ZNF438: variants seen among roughly 807,000 people sequenced by gnomAD.
The protein encoded by ZNF438 is zinc finger protein 438.
A neutral mutation model predicts 38.0 loss-of-function variants in ZNF438; 25 were observed. The ratio of observed to expected loss-of-function variants is 0.66; its 90% CI spans 0.48 to 0.92. The LOEUF is 0.92. Among genes scored for constraint, ZNF438 ranks in the 40% least tolerant of loss-of-function variants. The pLI, the probability that ZNF438 is intolerant of heterozygous loss-of-function variation, is 0.00. For missense variants in ZNF438, 1,007 were observed against 999.6 expected (o/e 1.01, Z -0.10); for synonymous variants, 372 against 364.1 (o/e 1.02, Z -0.25).
chr10:30,971,921 TG>T (rs1187760035), intron 1 of ZNF438, among the ~76,000 whole-genome samples: 1 of 152,152 alleles, frequency 6.6e-6, no homozygotes, highest in African/African-American at 2.4e-5. Flanking sequence ...CCTTAAATTT[TG>T]TATGTGTTTA....
intron 1 of ZNF438, among the ~76,000 whole-genome samples, chr10:30,948,340 C>G (rs1443458839): frequency 6.6e-6 from 1 of 152,124 alleles, no homozygotes; most frequent in Non-Finnish European, 1.5e-5. Context: ...AAAAGCAGAG[C>G]ACCTCTCCTC....
intron 1 of ZNF438, among the ~76,000 whole-genome samples, chr10:31,002,179 G>A (rs140707620): frequency 1.7e-4 from 26 of 152,254 alleles, no homozygotes; most frequent in African/African-American, 4.1e-4. Flanking sequence ...CAGTATTTTC[G>A]AAAGAATAGA....
At chr10:30,922,572 GC>G (rs2134998481) in intron 2 of ZNF438, among the ~76,000 whole-genome samples, 1 of 152,294 alleles carries the variant, frequency 6.6e-6, no homozygotes, top group Non-Finnish European at 1.5e-5. Context: ...GGTGGCTCAC[GC>G]CTGTAATCCC....
chr10:31,024,561 G>A (rs925066858), intron 1 of ZNF438, among the ~76,000 whole-genome samples: 2 of 152,098 alleles, frequency 1.3e-5, no homozygotes, highest in African/African-American at 4.8e-5. Context: ...CCGGGAGGCG[G>A]AGCTTGCAGT....
intron 1 of ZNF438, among the ~76,000 whole-genome samples, chr10:30,991,556 C>G (rs907186384): frequency 6.6e-6 from 1 of 152,186 alleles, no homozygotes; most frequent in Admixed American, 6.5e-5. Context: ...ATTCCTGCCC[C>G]CAGTTTCTGT....
chr10:30,929,191 G>T (rs931249042), intron 2 of ZNF438, among the ~76,000 whole-genome samples: 1 of 152,226 alleles, frequency 6.6e-6, no homozygotes, highest in African/African-American at 2.4e-5. Flanking sequence ...GGCAAATCAA[G>T]ACTGTGTCTG....
intron 3 of ZNF438, among the ~76,000 whole-genome samples, chr10:30,878,245 C>T (rs2038728857): frequency 6.6e-6 from 1 of 152,150 alleles, no homozygotes; most frequent in Non-Finnish European, 1.5e-5. Context: ...TCCAAAACTA[C>T]CCATGGCTTG....
At chr10:30,875,126 G>A (rs1471090083) in intron 4 of ZNF438, among the ~76,000 whole-genome samples, 4 of 152,132 alleles carry the variant, frequency 2.6e-5, no homozygotes, top group African/African-American at 7.2e-5. Context: ...GGGTAAGGAG[G>A]TTTACTTGAG....
At chr10:30,906,879 A>C (rs1399383548) in intron 3 of ZNF438, among the ~76,000 whole-genome samples, 4 of 152,206 alleles carry the variant, frequency 2.6e-5, no homozygotes. Flanking sequence ...TCATATGTCA[A>C]ACCAATCTTG....
At chr10:30,847,502 T>C (rs887484520) in intron 5 of ZNF438, among the ~76,000 whole-genome samples, 2 of 152,194 alleles carry the variant, frequency 1.3e-5, no homozygotes, top group African/African-American at 4.8e-5. Flanking sequence ...TCTGTGTACC[T>C]CATTCTTCCT....
In ZNF438 at chr10:31,010,290, A is replaced by G. The variant is rs2055553607; in HGVS notation, c.-192+21543T>C. On this transcript the variant is annotated intron_variant, in intron 1 of 5. Transcript: ENST00000413025. Reference sequence around the variant, plus strand: ...AGAGACCAACCCATGGCCAGTTCCTATTCCATGCTGAATAAAAATGTTATA... The same window carrying G: ...AGAGACCAACCCATGGCCAGTTCCTGTTCCATGCTGAATAAAAATGTTATA... Among the ~76,000 whole-genome samples the G allele has an allele frequency of 2.0e-5, 3 of 152,218 alleles. No homozygotes were observed. The South Asian group carries it at 6.2e-4, about 32-fold the overall frequency.
At chr10:30,951,209 TA>T (rs1306659928) in intron 1 of ZNF438, among the ~76,000 whole-genome samples, 1 of 151,560 alleles carries the variant, frequency 6.6e-6, no homozygotes, top group African/African-American at 2.4e-5. Context: ...ACTTTCATAC[TA>T]AAAACTCTCA....
Position 31,031,823 on chromosome 10 carries a change from G to C in ZNF438, c.-192+10C>G, listed in dbSNP as rs2057316769. ...AGCCCTAGGAGCTGCAGGAATCCTC[G>C]TAAACTTACAGTTTTCCTACAGCGT... On this transcript the variant is annotated intron_variant, in intron 1 of 5. Coordinates refer to ENST00000413025, the Ensembl canonical transcript of ZNF438. The C allele has an allele frequency of 1.3e-5, 2 of 152,748 alleles. No individual in the cohort carries two copies. Among genetic ancestry groups the C allele is most frequent in the South Asian group, 4.1e-4 (2 of 4,838 alleles). The allele number at this position is 152,748 out of a possible 1,614,324, so 9.5% of individuals were successfully genotyped here.
intron 4 of ZNF438, among the ~76,000 whole-genome samples, chr10:30,862,370 T>C (rs2035732829): frequency 6.6e-6 from 1 of 152,162 alleles, no homozygotes. Flanking sequence ...GGTATGATCA[T>C]AGCTCACCCG....
rs545215970 is a variant in ZNF438 at position 31,028,423 on chromosome 10, T to C, written c.-192+3410A>G. On this transcript the variant is annotated intron_variant, in intron 1 of 5. Coordinates refer to ENST00000413025, the Ensembl canonical transcript of ZNF438. The stretch of plus-strand genomic sequence containing the variant: ...TTTATTTCATTTGGTAAAAATTCTA[T>C]CATTGCCAAATAAAGCTAATGCAAA... 3.3e-5 allele frequency among the ~76,000 whole-genome samples: 5 copies of C among 152,346 alleles called. No individual in the cohort carries two copies. In the South Asian group the frequency reaches 1.0e-3, roughly 32 times the overall value.
chr10:30,852,939 G>A (rs982386919), intron 4 of ZNF438, among the ~76,000 whole-genome samples: 9 of 151,018 alleles, frequency 6.0e-5, no homozygotes, highest in Admixed American at 5.3e-4. Context: ...AAATTTAAAT[G>A]TTTTTCATTT....
At chr10:30,990,408 G>A (rs2053355086) in intron 1 of ZNF438, among the ~76,000 whole-genome samples, 1 of 152,130 alleles carries the variant, frequency 6.6e-6, no homozygotes, top group South Asian at 2.1e-4. Context: ...ACCAAACATT[G>A]ACAGTAGGTT....
At chr10:30,928,664 T>G (rs898342292) in intron 2 of ZNF438, among the ~76,000 whole-genome samples, 1 of 152,192 alleles carries the variant, frequency 6.6e-6, no homozygotes, top group East Asian at 1.9e-4. Flanking sequence ...TTTTTGACAT[T>G]TGTTTTGCCT....
chr10:30,940,691 T>C (rs2046725553), intron 2 of ZNF438, among the ~76,000 whole-genome samples: 1 of 152,154 alleles, frequency 6.6e-6, no homozygotes, highest in Non-Finnish European at 1.5e-5. Context: ...AGTGGTTCTA[T>C]ATGCAGGTTT....
Sources: allele counts gnomAD v4.1 joint callset (sites outside exome capture counted in the v4.1 genomes callset), GRCh38; gene constraint gnomAD v4.1.1; transcripts MANE v1.5; gene names NCBI Gene and HGNC (gene_info 2026-07-23, HGNC 2026-07-21).